The following WNT7B variants were observed in gnomAD, a reference collection of about 807,000 sequenced individuals.
WNT7B encodes the protein protein Wnt-7b.
WNT7B carries 19 observed loss-of-function variants against 38.2 expected under a neutral mutation model. That is an observed-to-expected ratio of 0.50 (90% confidence interval 0.35 to 0.73). The LOEUF (loss-of-function observed/expected upper bound fraction) is 0.73. Among genes scored for constraint, WNT7B ranks in the 30% least tolerant of loss-of-function variants. WNT7B has a pLI of 0.01. For missense variants in WNT7B, 423 were observed against 507.9 expected (o/e 0.83, Z 1.61); for synonymous variants, 243 against 209.3 (o/e 1.16, Z -1.39).
At chr22:45,973,386 G>A (rs371841447) in intron 1 of WNT7B, among the ~76,000 whole-genome samples, 3 of 152,324 alleles carry the variant, frequency 2.0e-5, no homozygotes, top group Admixed American at 6.5e-5. Context: ...AAGGCTGGGC[G>A]GTCTGGCCCG....
Position 45,951,559 on chromosome 22 carries a change from C to G in WNT7B, c.72-1413G>C, listed in dbSNP as rs771914464. On this transcript the variant is annotated intron_variant, in intron 1 of 3. Coordinates refer to ENST00000339464, the MANE Select transcript of WNT7B (RefSeq NM_058238.3). This position sits in a 1 kb window ranked among gnomAD's most constrained non-coding sequence, Gnocchi z 4.8. ...CAGTCACTCCCCGTTCTCCCCTCCCCGACCCAGCAACCACCAGTCTGCTTT... is the reference window on the plus strand; with the variant it reads ...CAGTCACTCCCCGTTCTCCCCTCCCGGACCCAGCAACCACCAGTCTGCTTT... Among the ~76,000 whole-genome samples, 1 of 152,204 alleles carries G rather than the reference C, an allele frequency of 6.6e-6. No homozygotes were observed. The highest frequency in any genetic ancestry group is 1.5e-5 in the Non-Finnish European group (1 of 68,032).
intron 1 of WNT7B, among the ~76,000 whole-genome samples, chr22:45,971,765 C>G (rs1032762154): frequency 2.6e-5 from 4 of 152,152 alleles, no homozygotes; most frequent in African/African-American, 7.2e-5. Flanking sequence ...CATGGTATTG[C>G]GCGCCGCGTG....
chr22:45,961,025 T>C (rs1932184064), intron 1 of WNT7B, among the ~76,000 whole-genome samples: 1 of 152,198 alleles, frequency 6.6e-6, no homozygotes, highest in Admixed American at 6.5e-5. Flanking sequence ...ACTGGCCAGA[T>C]GGGTATCTAC....
chr22:45,952,056 G>C (rs957514609), intron 1 of WNT7B, among the ~76,000 whole-genome samples: 7 of 152,176 alleles, frequency 4.6e-5, no homozygotes, highest in Admixed American at 2.0e-4. Flanking sequence ...GGCAACAGTG[G>C]GTTTCAGCAC....
intron 2 of WNT7B, among the ~76,000 whole-genome samples, chr22:45,942,451 G>A (rs1190299996): frequency 6.6e-6 from 1 of 152,240 alleles, no homozygotes; most frequent in Non-Finnish European, 1.5e-5. Context: ...GGGGACATCG[G>A]GGTGGAGGCA....
chr22:45,932,561 A>G (rs1931400079), intron 2 of WNT7B, among the ~76,000 whole-genome samples: 1 of 152,034 alleles, frequency 6.6e-6, no homozygotes, highest in South Asian at 2.1e-4. Context: ...TTCAGCTCTC[A>G]TTTCCTCTTT....
intron 1 of WNT7B, among the ~76,000 whole-genome samples, chr22:45,952,556 C>G (rs931332586): frequency 3.9e-5 from 6 of 152,262 alleles, no homozygotes; most frequent in Non-Finnish European, 4.4e-5. Flanking sequence ...GGATGGGAAC[C>G]CTGCCGGGCA....
intron 2 of WNT7B, among the ~76,000 whole-genome samples, chr22:45,945,847 C>T (rs535291658): frequency 2.0e-5 from 3 of 152,236 alleles, no homozygotes; most frequent in Admixed American, 6.5e-5. Context: ...GAGCTCGCCC[C>T]CAAAGCAAAC....
chr22:45,931,326 G>C lies in WNT7B; in HGVS notation c.342C>G (p.Gly114=). 1 of 1,596,250 alleles carries C rather than the reference G, an allele frequency of 6.3e-7. No individual in the cohort carries two copies. Among genetic ancestry groups the C allele is most frequent in the South Asian group, 1.1e-5 (1 of 90,954 alleles). The change falls in exon 3 of 4, where the codon GGC becomes GGG. Residue 114 remains glycine, a synonymous_variant. Coordinates refer to ENST00000339464, the MANE Select transcript of WNT7B (RefSeq NM_058238.3). ...AAFTYAITAA[G]VAHAVTAACS... ...AGGCAGCGGTGACGGCGTGCGCCAC[G>C]CCAGCCGCGGTGATGGCGTACGTGA... is the stretch of plus-strand genomic sequence containing the variant.
At position 45,977,154 on chromosome 22, in the gene WNT7B, A is replaced by G. The variant is rs1219172612; in HGVS notation, c.-400T>C. 9.7e-6 allele frequency: 4 copies of G among 411,006 alleles called. No homozygotes were observed. In the Admixed American group the frequency reaches 2.6e-4, roughly 26 times the overall value. The allele number at this position is 411,006 out of a possible 1,614,324, so 25.5% of individuals were successfully genotyped here. A position where few individuals can be genotyped will look rare whatever the true frequency, so the allele number is the denominator to read the frequency against. The stretch of plus-strand genomic sequence containing the variant: ...TGTGTCCGCACTTGTCGGCCGCCCC[A>G]GGTGACTCGCGGCCCCGGCAAGCGA... On this transcript the variant is annotated 5_prime_UTR_variant, in exon 1 of 4. Transcript: ENST00000339464.
At chr22:45,943,167 CCT>C (rs962960603) in intron 2 of WNT7B, among the ~76,000 whole-genome samples, 15 of 151,962 alleles carry the variant, frequency 9.9e-5, no homozygotes, top group East Asian at 1.9e-4. Flanking sequence ...TCCTTCCCCC[CCT>C]GTTTCTCCCT....
Position 45,941,509 on chromosome 22 carries a change from C to CAAAA in WNT7B, c.298+8407_298+8410dup. 2.5e-5 allele frequency among the ~76,000 whole-genome samples: 2 copies of CAAAA among 79,286 alleles called. 1 individual carries two copies. The allele number at this position is 79,286 out of a possible 152,430, so 52.0% of individuals were successfully genotyped here. A position where few individuals can be genotyped will look rare whatever the true frequency, so the allele number is the denominator to read the frequency against. On this transcript the variant is annotated intron_variant, in intron 2 of 3. Coordinates refer to ENST00000339464, the MANE Select transcript of WNT7B (RefSeq NM_058238.3). The stretch of plus-strand genomic sequence containing the variant: ...CTGGGTGACACTCCAGCCTTTGTCT[C>CAAAA]AAAAAAAAAAAAAAAAAAAAGAGTG...
At chr22:45,930,552 A>G (rs1364621727) in intron 3 of WNT7B, among the ~76,000 whole-genome samples, 2 of 151,996 alleles carry the variant, frequency 1.3e-5, no homozygotes, top group Non-Finnish European at 2.9e-5. Context: ...CCCTGCCTGA[A>G]TTTCCTCCAT....
chr22:45,939,403 C>G (rs1028169992), intron 2 of WNT7B, among the ~76,000 whole-genome samples: 1 of 152,088 alleles, frequency 6.6e-6, no homozygotes, highest in Non-Finnish European at 1.5e-5. Flanking sequence ...CATCAATGGA[C>G]GAAAGGATAA....
intron 2 of WNT7B, among the ~76,000 whole-genome samples, chr22:45,939,147 G>T (rs1931581644): frequency 6.6e-6 from 1 of 152,128 alleles, no homozygotes; most frequent in East Asian, 1.9e-4. Flanking sequence ...ACCCCTGTAT[G>T]CTGGTGGCAG....
intron 3 of WNT7B, among the ~76,000 whole-genome samples, chr22:45,930,751 C>G (rs886777500): frequency 5.3e-5 from 8 of 152,208 alleles, no homozygotes; most frequent in Admixed American, 5.2e-4. Flanking sequence ...GGACCAGGAA[C>G]GCCAAGGGCA....
intron 1 of WNT7B, among the ~76,000 whole-genome samples, chr22:45,955,886 C>G (rs1932047580): frequency 6.6e-6 from 1 of 152,192 alleles, no homozygotes; most frequent in Admixed American, 6.5e-5. Context: ...CCAGGAGCTT[C>G]CTGAGGTGCA....
At position 45,975,474 on chromosome 22, in the gene WNT7B, C is replaced by A; in HGVS notation, c.71+1210G>T. 1 of 709,136 alleles carries A rather than the reference C, an allele frequency of 1.4e-6. No individual in the cohort carries two copies. The highest frequency in any genetic ancestry group is 2.6e-6 in the Non-Finnish European group (1 of 380,420). 43.9% of individuals were successfully genotyped at this position (709,136 alleles called of 1,614,324 possible). On this transcript the variant is annotated intron_variant, in intron 1 of 3. Transcript: ENST00000339464. The surrounding 1 kb of genome is among the most constrained non-coding windows in gnomAD (Gnocchi z 6.6). ...CAGACCTGCAGGGCTCAGGCTAGGA[C>A]GGGGGCTTCCAGTCCTGCCTCTGAA...
At chr22:45,950,186 G>A in intron 1 of WNT7B, 40 bp from the exon 2 acceptor site, 2 of 1,564,356 alleles carry the variant, frequency 1.3e-6, no homozygotes, top group Non-Finnish European at 8.7e-7. Flanking sequence ...GACGGCGGCG[G>A]CCAGCGCCCC....
Sources: gnomAD v4.1 joint callset for allele counts (sites outside exome capture counted in the v4.1 genomes callset) on GRCh38, gnomAD v4.1.1 for gene constraint, Gnocchi (gnomAD v3.1) non-coding constraint, MANE v1.5 for transcripts, NCBI Gene and HGNC (gene_info 2026-07-23, HGNC 2026-07-21) for gene names.